TOX: variants seen among roughly 807,000 people sequenced by gnomAD.
TOX encodes the protein thymocyte selection associated high mobility group box.
TOX carries 11 observed loss-of-function variants against 53.7 expected under a neutral mutation model. The ratio of observed to expected loss-of-function variants is 0.20; its 90% confidence interval spans 0.13 to 0.34. TOX has a LOEUF of 0.34. TOX is among the 10% of genes least tolerant of loss of function. TOX has a pLI of 1.00. For missense variants in TOX, 570 were observed against 664.6 expected (o/e 0.86, Z 1.56); for synonymous variants, 225 against 245.3 (o/e 0.92, Z 0.77).
Position 59,118,028 on chromosome 8 carries a change from G to A in TOX, c.102+858C>T, listed in dbSNP as rs185425055. 4.6e-5 allele frequency among the ~76,000 whole-genome samples: 7 copies of A among 152,278 alleles called. No homozygotes were observed. Among genetic ancestry groups the A allele is most frequent in the Admixed American group, 3.9e-4 (6 of 15,304 alleles). On this transcript the variant is annotated intron_variant, in intron 1 of 8. Coordinates refer to ENST00000361421, the MANE Select transcript of TOX (RefSeq NM_014729.3). This position sits in a 1 kb window ranked among gnomAD's most constrained non-coding sequence, Gnocchi z 4.1. The stretch of plus-strand genomic sequence containing the variant: ...CCTGACTGTCCTATAGGTGGACCCA[G>A]CCGAACTCCGCAGCAGCCCAGGCCA...
chr8:59,047,203 G>GTA (rs1803702148), intron 1 of TOX, among the ~76,000 whole-genome samples: 1 of 44,674 alleles, frequency 2.2e-5, no homozygotes, highest in Non-Finnish European at 4.0e-5. Context: ...ACCAAGAATT[G>GTA]TTTTTTTTTT....
At chr8:58,971,227 G>A (rs1406883113) in intron 1 of TOX, among the ~76,000 whole-genome samples, 1 of 152,234 alleles carries the variant, frequency 6.6e-6, no homozygotes, top group Non-Finnish European at 1.5e-5. Flanking sequence ...GCAGCACGAT[G>A]AGGAAAAACG....
At chr8:58,875,102 T>C (rs1412790822) in intron 3 of TOX, among the ~76,000 whole-genome samples, 1 of 152,200 alleles carries the variant, frequency 6.6e-6, no homozygotes, top group Non-Finnish European at 1.5e-5. Flanking sequence ...CAGCCGACAG[T>C]TCACGGAGTC....
intron 1 of TOX, among the ~76,000 whole-genome samples, chr8:59,053,543 T>C (rs1803832075): frequency 6.6e-6 from 1 of 152,216 alleles, no homozygotes. Flanking sequence ...AGAAACGTAG[T>C]CTTTATAACA....
chr8:58,910,282 A>G (rs1302216571), intron 3 of TOX, among the ~76,000 whole-genome samples: 2 of 152,220 alleles, frequency 1.3e-5, no homozygotes, highest in East Asian at 1.9e-4. Context: ...AGCATTACCA[A>G]CTACTTTGGA....
chr8:58,940,586 G>A (rs1035592263), intron 2 of TOX, among the ~76,000 whole-genome samples: 10 of 152,100 alleles, frequency 6.6e-5, no homozygotes, highest in Admixed American at 3.9e-4. Context: ...GATAATTCTC[G>A]CAAGCTTATC....
At chr8:59,110,019 C>A (rs1228681760) in intron 1 of TOX, among the ~76,000 whole-genome samples, 1 of 152,012 alleles carries the variant, frequency 6.6e-6, no homozygotes, top group Non-Finnish European at 1.5e-5. Flanking sequence ...ATTAGTTTTG[C>A]AGTAAATTTT....
intron 3 of TOX, among the ~76,000 whole-genome samples, chr8:58,933,344 G>A (rs1397177983): frequency 1.3e-5 from 2 of 152,172 alleles, no homozygotes; most frequent in African/African-American, 4.8e-5. Context: ...CTTGATTTCA[G>A]TTTGGAGAAA....
At chr8:58,920,929 T>C (rs1445227954) in intron 3 of TOX, among the ~76,000 whole-genome samples, 2 of 152,068 alleles carry the variant, frequency 1.3e-5, no homozygotes, top group Non-Finnish European at 2.9e-5. Context: ...GTTTATTAAT[T>C]ATTCCCTTGA....
chr8:58,990,563 T>C (rs978157950), intron 1 of TOX, among the ~76,000 whole-genome samples: 26 of 152,096 alleles, frequency 1.7e-4, no homozygotes, highest in African/African-American at 6.0e-4. Context: ...CATATCATAC[T>C]TGAAGGATAC....
intron 3 of TOX, among the ~76,000 whole-genome samples, chr8:58,894,919 G>A (rs1240148052): frequency 6.6e-6 from 1 of 151,934 alleles, no homozygotes; most frequent in Non-Finnish European, 1.5e-5. Context: ...GCTGGGGGCG[G>A]TGACTCACGC....
chr8:59,007,350 A>T (rs1016234941), intron 1 of TOX, among the ~76,000 whole-genome samples: 1 of 152,178 alleles, frequency 6.6e-6, no homozygotes, highest in Non-Finnish European at 1.5e-5. Flanking sequence ...ATTGGCAGGT[A>T]AAAAATGAGA....
At chr8:58,959,826 A>G in intron 2 of TOX, 117 bp downstream of exon 2, 1 of 1,127,216 alleles carries the variant, frequency 8.9e-7, no homozygotes, top group Non-Finnish European at 1.3e-6. Context: ...CTTTGTTTAT[A>G]AATTATGATT....
chr8:58,989,561 G>A (rs1440882825), intron 1 of TOX, among the ~76,000 whole-genome samples: 1 of 152,046 alleles, frequency 6.6e-6, no homozygotes, highest in Non-Finnish European at 1.5e-5. Flanking sequence ...CTACATGTCT[G>A]CTTGAGTAAT....
intron 3 of TOX, among the ~76,000 whole-genome samples, chr8:58,904,509 A>T (rs1562612): frequency 1.3e-5 from 2 of 151,864 alleles, no homozygotes; most frequent in Admixed American, 1.3e-4. Context: ...AGCTCTGGGA[A>T]TCTCTGGAAA....
intron 1 of TOX, among the ~76,000 whole-genome samples, chr8:59,049,857 G>T (rs554922683): frequency 6.6e-6 from 1 of 152,118 alleles, no homozygotes; most frequent in Admixed American, 6.5e-5. Context: ...TAGAAAGTTC[G>T]CCTCTCTTTT....
chr8:58,885,613 T>C (rs1811453157), intron 3 of TOX, among the ~76,000 whole-genome samples: 1 of 152,126 alleles, frequency 6.6e-6, no homozygotes, highest in African/African-American at 2.4e-5. Flanking sequence ...CAGTTTTCAA[T>C]TGAGATTCAC....
chr8:58,858,799 A>G (rs1412074314), intron 3 of TOX, among the ~76,000 whole-genome samples: 1 of 152,094 alleles, frequency 6.6e-6, no homozygotes, highest in Admixed American at 6.6e-5. Context: ...CTTAAGAAAA[A>G]CTTCTGAGCC....
At chr8:59,089,279 T>C (rs1412515236) in intron 1 of TOX, among the ~76,000 whole-genome samples, 1 of 152,214 alleles carries the variant, frequency 6.6e-6, no homozygotes, top group African/African-American at 2.4e-5. Context: ...GTGTGGGAAA[T>C]CCTGCTGTAG....
Sources: gnomAD v4.1 joint callset for allele counts (sites outside exome capture counted in the v4.1 genomes callset) on GRCh38, gnomAD v4.1.1 for gene constraint, Gnocchi (gnomAD v3.1) non-coding constraint, MANE v1.5 for transcripts, NCBI Gene and HGNC (gene_info 2026-07-23, HGNC 2026-07-21) for gene names.